The following CMIP variants were observed in gnomAD, a reference collection of about 807,000 sequenced individuals.
The protein encoded by CMIP is C-Maf-inducing protein.
CMIP carries 13 observed loss-of-function variants against 97.3 expected under a neutral mutation model. The observed-to-expected ratio is 0.13, with a 90% CI of 0.09 to 0.21. The LOEUF is 0.21. CMIP is among the 10% of genes least tolerant of loss of function. The pLI, the probability that CMIP is intolerant of heterozygous loss-of-function variation, is 1.00. For missense variants in CMIP, 847 were observed against 1,024.9 expected, an observed-to-expected ratio of 0.83 and a Z score of 2.37; for synonymous variants, 538 against 436.3, an observed-to-expected ratio of 1.23 and a Z score of -2.91.
intron 4 of CMIP, among the ~76,000 whole-genome samples, chr16:81,656,233 T>C (rs971726910): frequency 1.3e-5 from 2 of 152,166 alleles, no homozygotes; most frequent in African/African-American, 4.8e-5. Context: ...AGCCAGCTTA[T>C]TGGGCAAAAG....
intron 1 of CMIP, among the ~76,000 whole-genome samples, chr16:81,486,369 C>A (rs537513129): frequency 1.1e-4 from 16 of 152,296 alleles, no homozygotes; most frequent in African/African-American, 3.9e-4. Context: ...TATGATCGCG[C>A]CCATTTGACA....
intron 1 of CMIP, among the ~76,000 whole-genome samples, chr16:81,485,879 AC>A (rs1391505721): frequency 6.6e-6 from 1 of 152,170 alleles, no homozygotes; most frequent in Non-Finnish European, 1.5e-5. Flanking sequence ...GCCTGCTTGG[AC>A]CACCATACTG....
chr16:81,542,737 T>C (rs574474093), intron 1 of CMIP, among the ~76,000 whole-genome samples: 12 of 152,200 alleles, frequency 7.9e-5, no homozygotes, highest in Admixed American at 6.5e-4. Context: ...CTGGCCTCTC[T>C]TCTTATGAGG....
At chr16:81,584,432 C>T (rs1290013707) in intron 1 of CMIP, among the ~76,000 whole-genome samples, 1 of 152,144 alleles carries the variant, frequency 6.6e-6, no homozygotes. Context: ...TTGTTTCAAG[C>T]TGAGTGTAAG....
At chr16:81,517,835 T>C (rs1372386093) in intron 1 of CMIP, 5 of 530,050 alleles carry the variant, frequency 9.4e-6, no homozygotes, top group Non-Finnish European at 1.2e-5. Flanking sequence ...AGTTCGACGT[T>C]CTCTGGAGGC....
chr16:81,689,914 C>A (rs559862360), intron 10 of CMIP, among the ~76,000 whole-genome samples: 8 of 152,186 alleles, frequency 5.3e-5, no homozygotes, highest in Non-Finnish European at 8.8e-5. Context: ...AATAGGGAAT[C>A]CTTTCCCCAT....
chr16:81,556,042 C>T (rs979878602), intron 1 of CMIP, among the ~76,000 whole-genome samples: 7 of 152,186 alleles, frequency 4.6e-5, no homozygotes, highest in Non-Finnish European at 8.8e-5. Context: ...TCACCGTCTT[C>T]TCTGTCTGAA....
intron 1 of CMIP, among the ~76,000 whole-genome samples, chr16:81,499,484 A>G (rs2089555525): frequency 6.6e-6 from 1 of 152,206 alleles, no homozygotes; most frequent in African/African-American, 2.4e-5. Context: ...GGACCTGGCG[A>G]TGACCTCTGA....
At chr16:81,697,991 G>GCCCCCCCCC (rs747163023) in intron 14 of CMIP, 33 of 138,032 alleles carry the variant, frequency 2.4e-4, no homozygotes, top group African/African-American at 3.8e-4. Context: ...GCTCAGCTGC[G>GCCCCCCCCC]CCCCCCCGCC....
At chr16:81,457,875 G>GC (rs1906656960) in intron 1 of CMIP, among the ~76,000 whole-genome samples, 3 of 152,158 alleles carry the variant, frequency 2.0e-5, no homozygotes, top group African/African-American at 7.2e-5. Flanking sequence ...GGCACCCCAG[G>GC]CCCCCAGAAG....
At chr16:81,556,801 AG>A (rs2090773158) in intron 1 of CMIP, among the ~76,000 whole-genome samples, 3 of 152,264 alleles carry the variant, frequency 2.0e-5, no homozygotes, top group African/African-American at 7.2e-5. Context: ...ACACAAAAGC[AG>A]GTGTCACATA....
At chr16:81,601,229 G>A (rs149522027) in intron 1 of CMIP, among the ~76,000 whole-genome samples, 1 of 152,298 alleles carries the variant, frequency 6.6e-6, no homozygotes, top group African/African-American at 2.4e-5. Flanking sequence ...GGGTCCGGGA[G>A]CTCCTCCCTT....
chr16:81,696,524 A>G (rs751316682), intron 13 of CMIP, 36 bp from the exon 14 acceptor site: 2 of 1,586,894 alleles, frequency 1.3e-6, no homozygotes, highest in South Asian at 1.1e-5. Context: ...CCGGGGCTGC[A>G]TGCAGCTCAC....
intron 1 of CMIP, among the ~76,000 whole-genome samples, chr16:81,589,234 C>T (rs375811254): frequency 7.9e-5 from 12 of 152,062 alleles, no homozygotes; most frequent in African/African-American, 2.7e-4. Context: ...GTAGCTGGGA[C>T]TACAGGCGTG....
chr16:81,711,098 C>T lies in CMIP; in HGVS notation c.*1299C>T, dbSNP rs1908722127. 1 of 143,020 alleles carries T rather than the reference C, an allele frequency of 7.0e-6. No individual in the cohort carries two copies. Among genetic ancestry groups the T allele is most frequent in the Non-Finnish European group, 1.5e-5 (1 of 67,130 alleles). The allele number at this position is 143,020 out of a possible 1,614,324, so 8.9% of individuals were successfully genotyped here. Reference sequence around the variant, plus strand: ...CCCACCTGCTCCGAAGACAAACCAACCTCCGTTTCTTTTATAAACAGTCGG... The same window carrying T: ...CCCACCTGCTCCGAAGACAAACCAATCTCCGTTTCTTTTATAAACAGTCGG... On this transcript the variant is annotated 3_prime_UTR_variant, in exon 21 of 21. Transcript: ENST00000537098.
intron 1 of CMIP, among the ~76,000 whole-genome samples, chr16:81,475,757 A>G (rs1016592169): frequency 1.3e-5 from 2 of 152,178 alleles, no homozygotes; most frequent in Non-Finnish European, 2.9e-5. Flanking sequence ...AGGTTGAGGC[A>G]GGTGGATCAT....
At chr16:81,486,036 C>T (rs2089308929) in intron 1 of CMIP, among the ~76,000 whole-genome samples, 1 of 152,232 alleles carries the variant, frequency 6.6e-6, no homozygotes, top group African/African-American at 2.4e-5. Flanking sequence ...GAGAGCCTGG[C>T]ACCCGGCCTG....
At chr16:81,480,361 G>A (rs1021026294) in intron 1 of CMIP, among the ~76,000 whole-genome samples, 1 of 152,038 alleles carries the variant, frequency 6.6e-6, no homozygotes, top group Non-Finnish European at 1.5e-5. Flanking sequence ...CTAGCGTGGT[G>A]AAACCCCATC....
intron 1 of CMIP, among the ~76,000 whole-genome samples, chr16:81,523,144 TCCTGGGCTCAAGTGATCCTCCTGCCTTGG>T (rs1317472564): frequency 6.6e-6 from 1 of 152,190 alleles, no homozygotes; most frequent in Non-Finnish European, 1.5e-5. Flanking sequence ...GGCCTCGAAT[TCCTGGGCTCAAGTGATCCTCCTGCCTTGG>T]CCTCCCAAAG....
Sources: gnomAD v4.1 joint callset for allele counts (sites outside exome capture counted in the v4.1 genomes callset) on GRCh38, gnomAD v4.1.1 for gene constraint, MANE v1.5 for transcripts, NCBI Gene and HGNC (gene_info 2026-07-23, HGNC 2026-07-21) for gene names.